SNCG: variants seen among roughly 807,000 people sequenced by gnomAD.
SNCG encodes the protein gamma-synuclein.
Under a neutral mutation model 16.0 loss-of-function variants are expected in SNCG, and 13 were observed. That is an observed-to-expected ratio of 0.81 (90% CI 0.53 to 1.29). The LOEUF (loss-of-function observed/expected upper bound fraction) is 1.29, where lower values mean the gene tolerates loss of function less well. Ranked by LOEUF, SNCG falls within the 50% of genes most tolerant of loss-of-function variation. The pLI, the probability that SNCG is intolerant of heterozygous loss-of-function variation, is 0.00. For missense variants in SNCG, 154 were observed against 168.5 expected (o/e 0.91, Z 0.48); for synonymous variants, 66 against 66.3 (o/e 1.00, Z 0.02).
chr10:86,960,268 C>T (rs1275757798), intron 3 of SNCG, 140 bp downstream of exon 3: 9 of 801,926 alleles, frequency 1.1e-5, no homozygotes, highest in East Asian at 1.1e-4. Context: ...ACCCACTGAG[C>T]GCCGGCATGG....
chr10:86,956,101 T>C (rs1844221357), upstream of SNCG, among the ~76,000 whole-genome samples: 1 of 152,166 alleles, frequency 6.6e-6, no homozygotes, highest in Admixed American at 6.5e-5. Context: ...TCCTTGGTCC[T>C]GAAATCAGAG....
upstream of SNCG, chr10:86,957,533 C>T: frequency 6.2e-7 from 1 of 1,609,718 alleles, no homozygotes; most frequent in African/African-American, 1.3e-5. Context: ...ACAGCAAGCT[C>T]AGGATCATCT....
rs755483468 is a variant in SNCG, at chr10:86,960,005, C to T, written c.168C>T (p.Ala56=). The change falls in exon 3 of 5, where the codon GCC becomes GCT. Residue 56 remains alanine, a synonymous_variant. Transcript: ENST00000372017. ...CCAGCCAGTGTCCTCCCATAGTGGC[C>T]GAGAAGACCAAGGAGCAGGCCAACG... is the stretch of plus-strand genomic sequence containing the variant. ...ENVVQSVTSV[A]EKTKEQANAV... is the part of the protein sequence containing the mutation. 33 of 1,596,628 alleles carry T rather than the reference C, an allele frequency of 2.1e-5. No homozygotes were observed. The Middle Eastern group carries it at 9.9e-4, about 48-fold the overall frequency.
intron 3 of SNCG, among the ~76,000 whole-genome samples, chr10:86,960,970 T>G (rs1012187519): frequency 3.3e-4 from 50 of 152,196 alleles, no homozygotes; most frequent in African/African-American, 1.2e-3. Context: ...GGAATTCCCC[T>G]GAGCAGCCTG....
In SNCG at chr10:86,959,627, C is replaced by G; in HGVS notation, c.122-6C>G. ...GTCTGGGCTGACAGCTCCATTTCCTCCCCAGGAGCCAAGACCAAGGAGAAT... is the reference window on the plus strand; with the variant it reads ...GTCTGGGCTGACAGCTCCATTTCCTGCCCAGGAGCCAAGACCAAGGAGAAT... On this transcript the variant is annotated splice_region_variant and splice_polypyrimidine_tract_variant and intron_variant, in intron 1 of 4. Transcript: ENST00000372017. The surrounding 1 kb of genome is among the most constrained non-coding windows in gnomAD (Gnocchi z 4.3). 1.2e-6 allele frequency: 2 copies of G among 1,613,606 alleles called. No individual in the cohort carries two copies. Among genetic ancestry groups the G allele is most frequent in the South Asian group, 2.2e-5 (2 of 91,040 alleles).
chr10:86,958,810 T>C lies in SNCG; in HGVS notation c.113T>C (p.Met38Thr), dbSNP rs971731049. ...GCTGAGAAGACCAAGGAGGGGGTCA[T>C]GTATGTGGGTAAGTGGGGCATGGCA... Reference protein sequence around the residue: ...EAAEKTKEGVMYVGAKTKENV... With the variant: ...EAAEKTKEGVTYVGAKTKENV... The change falls in exon 1 of 5, where the codon ATG becomes ACG. Residue 38 changes from methionine (M) to threonine (T), a missense_variant. Met to Thr is a moderately conservative substitution (Grantham distance 81). Coordinates refer to ENST00000372017, the MANE Select transcript of SNCG (RefSeq NM_003087.3). 7 of 1,607,246 alleles carry C rather than the reference T, an allele frequency of 4.4e-6. No homozygotes were observed. The highest frequency in any genetic ancestry group is 5.9e-6 in the Non-Finnish European group (7 of 1,176,494).
chr10:86,958,497 T>TGCCAAC, upstream of SNCG: 3 of 1,098,116 alleles, frequency 2.7e-6, no homozygotes, highest in Non-Finnish European at 3.5e-6. Context: ...TGAACCTCCT[T>TGCCAAC]CCCTCCCTCC....
In SNCG at chr10:86,959,259, C is replaced by G. The variant is rs1844294848; in HGVS notation, c.122-374C>G. 3 of 387,888 alleles carry G rather than the reference C, an allele frequency of 7.7e-6. No homozygotes were observed. Among genetic ancestry groups the G allele is most frequent in the African/African-American group, 2.1e-5 (1 of 47,886 alleles). The allele number at this position is 387,888 out of a possible 1,614,324, so 24.0% of individuals were successfully genotyped here. ...AAACCTAGGCTCAGTGTTCCCTCCC[C>G]CGCATCCTCTCCTGGCACTCTCCAG... On this transcript the variant is annotated intron_variant, in intron 1 of 4. Coordinates refer to ENST00000372017, the MANE Select transcript of SNCG (RefSeq NM_003087.3). The surrounding 1 kb of genome is among the most constrained non-coding windows in gnomAD (Gnocchi z 4.3).
chr10:86,961,804 T>G (rs1844355470), intron 3 of SNCG, among the ~76,000 whole-genome samples: 1 of 152,182 alleles, frequency 6.6e-6, no homozygotes, highest in Non-Finnish European at 1.5e-5. Flanking sequence ...TGCCCTTTTA[T>G]GCCCCACTCC....
intron 3 of SNCG, 49 bp from the exon 4 acceptor site, chr10:86,962,555 G>T: frequency 7.1e-7 from 1 of 1,413,118 alleles, no homozygotes; most frequent in Non-Finnish European, 9.9e-7. Context: ...GGCAGCTAGG[G>T]GTCTCTGCAT....
chr10:86,962,873 G>A (rs1589314927), intron 4 of SNCG, 92 bp from the exon 5 acceptor site: 1 of 1,440,108 alleles, frequency 6.9e-7, no homozygotes, highest in Non-Finnish European at 9.5e-7. Context: ...CCTCAGGCAT[G>A]GGGCACAGAA....
At chr10:86,962,406 G>C (rs991975266) in intron 3 of SNCG, among the ~76,000 whole-genome samples, 198 bp from the exon 4 acceptor site, 1 of 152,080 alleles carries the variant, frequency 6.6e-6, no homozygotes, top group Non-Finnish European at 1.5e-5. Flanking sequence ...GGTGCCCCTG[G>C]AAGGCCTCGG....
intron 3 of SNCG, among the ~76,000 whole-genome samples, chr10:86,960,555 G>A (rs907471050): frequency 6.6e-6 from 1 of 152,166 alleles, no homozygotes. Flanking sequence ...TGGGCTGGGC[G>A]GGGCAGCTGC....
chr10:86,960,114 G>A lies in SNCG; in HGVS notation c.277G>A (p.Gly93Arg), dbSNP rs771675313. Residue 93 changes from glycine to arginine, a missense_variant, in exon 3 of 5, where the codon GGG becomes AGG. Gly to Arg is a moderately radical substitution (Grantham distance 125). Transcript: ENST00000372017. ...EEAENIAVTS[G>R]VVRKEDLRPS... ...GGCGGAGAACATCGCGGTCACCTCCGGGGTGGTGCGCAAGGTGAGCCCCGG... is the reference window on the plus strand; with the variant it reads ...GGCGGAGAACATCGCGGTCACCTCCAGGGTGGTGCGCAAGGTGAGCCCCGG... The A allele has an allele frequency of 2.5e-5, 41 of 1,612,292 alleles. No homozygotes were observed. Among genetic ancestry groups the A allele is most frequent in the Admixed American group, 8.3e-5 (5 of 59,928 alleles).
rs1481562451 is a variant in SNCG at position 86,960,059 on chromosome 10, C to G, written c.222C>G (p.Val74=). 3 of 1,613,120 alleles carry G rather than the reference C, an allele frequency of 1.9e-6. No homozygotes were observed. Among genetic ancestry groups the G allele is most frequent in the Admixed American group, 3.3e-5 (2 of 59,974 alleles). ...NAVSEAVVSS[V]NTVATKTVEE... The stretch of plus-strand genomic sequence containing the variant: ...TGAGCGAGGCTGTGGTGAGCAGCGT[C>G]AACACTGTGGCCACCAAGACCGTGG... The change falls in exon 3 of 5, where the codon GTC becomes GTG. Residue 74 remains valine (V), a synonymous_variant. Coordinates refer to ENST00000372017, the MANE Select transcript of SNCG (RefSeq NM_003087.3).
rs777725854 is a variant in SNCG, at chr10:86,963,027, T to C, written c.*42T>C. On this transcript the variant is annotated 3_prime_UTR_variant, in exon 5 of 5. Transcript: ENST00000372017. ...GTGGATGACCTGAAGAGCGCTCCTC[T>C]GCCTTGGACACCATCCCCTCCTAGC... 1.9e-6 allele frequency: 3 copies of C among 1,577,538 alleles called. No individual in the cohort carries two copies. The Admixed American group carries it at 5.5e-5, about 29-fold the overall frequency.
chr10:86,958,345 G>A, upstream of SNCG: 1 of 985,440 alleles, frequency 1.0e-6, no homozygotes, highest in East Asian at 1.1e-4. Context: ...GGGTGGGCAG[G>A]GCAGTAAATG....
At chr10:86,958,128 G>T, upstream of SNCG, 1 of 984,732 alleles carries the variant, frequency 1.0e-6, no homozygotes, top group Non-Finnish European at 1.2e-6. Flanking sequence ...AGGGTCCAGC[G>T]GCATCCAGGA....
In SNCG at chr10:86,959,537, G is replaced by T. The variant is rs538491660; in HGVS notation, c.122-96G>T. On this transcript the variant is annotated intron_variant, in intron 1 of 4. Transcript: ENST00000372017. This position sits in a 1 kb window ranked among gnomAD's most constrained non-coding sequence, Gnocchi z 4.3. ...CAGACACCATCCTTACCCCCCCACC[G>T]ACCCCACAGTTTGTCCAGCTGTTCT... 2.0e-6 allele frequency: 2 copies of T among 1,009,448 alleles called. No homozygotes were observed. The highest frequency in any genetic ancestry group is 5.1e-5 in the East Asian group (2 of 39,138). The allele number at this position is 1,009,448 out of a possible 1,614,324, so 62.5% of individuals were successfully genotyped here.
Sources: gnomAD v4.1 joint callset for allele counts (sites outside exome capture counted in the v4.1 genomes callset) on GRCh38, gnomAD v4.1.1 for gene constraint, Gnocchi (gnomAD v3.1) non-coding constraint, MANE v1.5 for transcripts, NCBI Gene and HGNC (gene_info 2026-07-23, HGNC 2026-07-21) for gene names.